Variants in ADRA1A observed in about 807,000 individuals in gnomAD.
The protein encoded by ADRA1A is alpha-1A adrenergic receptor.
ADRA1A carries 31 observed loss-of-function variants against 29.6 expected under a neutral mutation model. The ratio of observed to expected loss-of-function variants is 1.05; its 90% CI spans 0.79 to 1.41. ADRA1A has a LOEUF of 1.41. Among genes scored for constraint, ADRA1A ranks in the 40% most tolerant of loss-of-function variants. ADRA1A has a pLI of 0.00. For synonymous variants in ADRA1A, 311 were observed against 254.3 expected (o/e 1.22, Z -2.12); for missense variants, 619 against 601.1 (o/e 1.03, Z -0.31).
At chr8:26,852,189 G>A (rs895188089) in intron 2 of ADRA1A, among the ~76,000 whole-genome samples, 1 of 152,100 alleles carries the variant, frequency 6.6e-6, no homozygotes, top group Non-Finnish European at 1.5e-5. Flanking sequence ...AAAGCAGGAA[G>A]GCAGACTGAT....
At chr8:26,857,431 C>G (rs1225159554) in intron 2 of ADRA1A, among the ~76,000 whole-genome samples, 3 of 152,046 alleles carry the variant, frequency 2.0e-5, no homozygotes, top group Admixed American at 6.6e-5. Flanking sequence ...TTTTGGGAGG[C>G]TAAAGAAAAA....
chr8:26,749,239 T>C (rs1226562864), intron 2 of ADRA1A, among the ~76,000 whole-genome samples: 1 of 152,222 alleles, frequency 6.6e-6, no homozygotes, highest in Non-Finnish European at 1.5e-5. Flanking sequence ...TTTAACTTTG[T>C]GGTGTGTTTG....
At chr8:26,813,939 A>G (rs1809588338) in intron 2 of ADRA1A, among the ~76,000 whole-genome samples, 1 of 152,196 alleles carries the variant, frequency 6.6e-6, no homozygotes, top group Non-Finnish European at 1.5e-5. Flanking sequence ...TACAAGTGAC[A>G]TGGACCTGCC....
intron 2 of ADRA1A, chr8:26,779,547 A>T (rs1806804043): frequency 3.4e-6 from 2 of 591,274 alleles, no homozygotes; most frequent in East Asian, 2.9e-5. Flanking sequence ...GACAAGCAGG[A>T]TGATGAAGGA....
chr8:26,780,052 A>G (rs542859744), intron 2 of ADRA1A, among the ~76,000 whole-genome samples: 1 of 152,258 alleles, frequency 6.6e-6, no homozygotes, highest in African/African-American at 2.4e-5. Context: ...CTGCCAAGAC[A>G]TGTGTTATGC....
In ADRA1A at chr8:26,863,939, A is replaced by G. The variant is rs191988902; in HGVS notation, c.883+148T>C. ...AAAGAGAATGAAAATTCACTTTTCTACAAGGGAGCCTTTTCTAATTGCCCT... is the reference window on the plus strand; with the variant it reads ...AAAGAGAATGAAAATTCACTTTTCTGCAAGGGAGCCTTTTCTAATTGCCCT... On this transcript the variant is annotated intron_variant, in intron 2 of 2. Transcript: ENST00000380573. The G allele has an allele frequency of 1.6e-3, 1,304 of 809,844 alleles. 16 individuals are homozygous for G. In the African/African-American group the frequency reaches 0.02, roughly 13 times the overall value. The allele number at this position is 809,844 out of a possible 1,614,324, so 50.2% of individuals were successfully genotyped here.
chr8:26,833,193 T>A (rs1811110873), intron 2 of ADRA1A, among the ~76,000 whole-genome samples: 1 of 152,120 alleles, frequency 6.6e-6, no homozygotes, highest in South Asian at 2.1e-4. Flanking sequence ...CTGGACCCCA[T>A]TCCAGTGGGA....
In ADRA1A at chr8:26,769,307, CTT is replaced by C; in HGVS notation, c.*840_*841del. 1.0e-6 allele frequency: 1 copy of C among 985,372 alleles called. No individual in the cohort carries two copies. Among genetic ancestry groups the C allele is most frequent in the South Asian group, 4.7e-5 (1 of 21,278 alleles). The allele number at this position is 985,372 out of a possible 1,614,324, so 61.0% of individuals were successfully genotyped here. A position where few individuals can be genotyped will look rare whatever the true frequency, so the allele number is the denominator to read the frequency against. On this transcript the variant is annotated 3_prime_UTR_variant, in exon 3 of 3. Coordinates refer to ENST00000380573, the MANE Select transcript of ADRA1A (RefSeq NM_000680.4). Reference sequence around the variant, plus strand: ...TTAACAGCCACACCAACCTCTTGCTCTTTAAAGATATTAGAGAGAAAGCCTAT... The same window carrying C: ...TTAACAGCCACACCAACCTCTTGCTCTAAAGATATTAGAGAGAAAGCCTAT...
chr8:26,861,941 C>A (rs2130790083), intron 2 of ADRA1A, among the ~76,000 whole-genome samples: 1 of 152,104 alleles, frequency 6.6e-6, no homozygotes, highest in African/African-American at 2.4e-5. Context: ...TCTGCTCTTG[C>A]CCCCAAACAG....
intron 2 of ADRA1A, chr8:26,858,961 C>G: frequency 9.7e-7 from 1 of 1,033,102 alleles, no homozygotes; most frequent in Non-Finnish European, 1.2e-6. Context: ...TGGAAAGAAG[C>G]TTGGGAAAAG....
chr8:26,856,595 T>C (rs1482259399), intron 2 of ADRA1A, among the ~76,000 whole-genome samples: 2 of 152,128 alleles, frequency 1.3e-5, no homozygotes, highest in Non-Finnish European at 2.9e-5. Context: ...TCTTCGCACG[T>C]TCTCTTCCCT....
At chr8:26,818,294 AG>A (rs1183346157) in intron 2 of ADRA1A, among the ~76,000 whole-genome samples, 13 of 152,336 alleles carry the variant, frequency 8.5e-5, no homozygotes, top group Admixed American at 3.3e-4. Context: ...GACACTACAA[AG>A]ATAAATTTTA....
At chr8:26,820,700 A>G (rs1392292761) in intron 2 of ADRA1A, among the ~76,000 whole-genome samples, 2 of 152,214 alleles carry the variant, frequency 1.3e-5, no homozygotes, top group Admixed American at 1.3e-4. Flanking sequence ...GAGCATTGTT[A>G]GACAGAATCG....
intron 2 of ADRA1A, among the ~76,000 whole-genome samples, chr8:26,783,434 G>A (rs1284158377): frequency 6.6e-6 from 1 of 152,180 alleles, no homozygotes; most frequent in Non-Finnish European, 1.5e-5. Flanking sequence ...TATAGTGGTT[G>A]AGATATCAGA....
chr8:26,847,614 T>C (rs1285365882), intron 2 of ADRA1A, among the ~76,000 whole-genome samples: 9 of 152,186 alleles, frequency 5.9e-5, no homozygotes, highest in Admixed American at 5.9e-4. Flanking sequence ...GGATAGCACA[T>C]AAAAAAAGTG....
intron 2 of ADRA1A, among the ~76,000 whole-genome samples, chr8:26,777,708 TG>T: frequency 6.6e-6 from 1 of 152,266 alleles, no homozygotes; most frequent in East Asian, 1.9e-4. Context: ...GTGAGGAAGG[TG>T]GCACTGAGCA....
rs570621342 is a variant in ADRA1A at position 26,864,345 on chromosome 8, C to T, written c.625G>A (p.Val209Met). 2 of 1,614,072 alleles carry T rather than the reference C, an allele frequency of 1.2e-6. No individual in the cohort carries two copies. The highest frequency in any genetic ancestry group is 1.1e-5 in the South Asian group (1 of 91,082). Reference sequence around the variant, plus strand: ...CCCCGGCTCTCCCTCTTGGCCACCACGTAGACGCGGCAGTACATGACCAGG... The same window carrying T: ...CCCCGGCTCTCCCTCTTGGCCACCATGTAGACGCGGCAGTACATGACCAGG... ...IILVMYCRVYVVAKRESRGLK... is the reference protein window; with the variant it reads ...IILVMYCRVYMVAKRESRGLK... The change falls in exon 2 of 3, where the codon GTG becomes ATG. Residue 209 changes from valine (V) to methionine (M), a missense_variant. Transcript: ENST00000380573. This position sits in a 1 kb window ranked among gnomAD's most constrained non-coding sequence, Gnocchi z 8.1.
intron 2 of ADRA1A, among the ~76,000 whole-genome samples, chr8:26,819,113 T>C (rs574726070): frequency 6.6e-6 from 1 of 152,212 alleles, no homozygotes; most frequent in African/African-American, 2.4e-5. Flanking sequence ...GAAAATTCCA[T>C]GAGGCTATCA....
chr8:26,779,992 C>A (rs1042592114), intron 2 of ADRA1A, among the ~76,000 whole-genome samples: 1 of 152,030 alleles, frequency 6.6e-6, no homozygotes, highest in South Asian at 2.1e-4. Context: ...GGAGGGGAGG[C>A]TTATCAAGGG....
Sources: gnomAD v4.1 joint callset for allele counts (sites outside exome capture counted in the v4.1 genomes callset) on GRCh38, gnomAD v4.1.1 for gene constraint, Gnocchi (gnomAD v3.1) non-coding constraint, MANE v1.5 for transcripts, NCBI Gene and HGNC (gene_info 2026-07-23, HGNC 2026-07-21) for gene names.